RYR2: variants seen among roughly 807,000 people sequenced by gnomAD.
RYR2 encodes ryanodine receptor 2.
Under a neutral mutation model 601.1 loss-of-function variants are expected in RYR2, and 227 were observed. The observed-to-expected ratio is 0.38, with a 90% CI of 0.34 to 0.42. The LOEUF is 0.42. RYR2 is among the 10% of genes least tolerant of loss of function. The pLI is 1.00. For missense variants in RYR2, 4,646 were observed against 6,156.5 expected, an observed-to-expected ratio of 0.75 and a Z score of 8.21; for synonymous variants, 2,223 against 2,175.1, an observed-to-expected ratio of 1.02 and a Z score of -0.61.
At chr1:237,392,324 C>A (rs968773637) in intron 10 of RYR2, among the ~76,000 whole-genome samples, 4 of 152,006 alleles carry the variant, frequency 2.6e-5, no homozygotes, top group Admixed American at 6.6e-5. Flanking sequence ...AAGAGTGTAA[C>A]TGGATTGTTT....
intron 53 of RYR2, among the ~76,000 whole-genome samples, chr1:237,656,360 G>GC (rs140204201): frequency 0.023 from 3,559 of 152,196 alleles, 134 homozygotes; most frequent in African/African-American, 0.081. Context: ...GCACTGCAAA[G>GC]CTGTTTCTGC....
At chr1:237,082,539 A>ATATATATATATATG (rs1665842321) in intron 1 of RYR2, among the ~76,000 whole-genome samples, 1 of 115,898 alleles carries the variant, frequency 8.6e-6, no homozygotes, top group Non-Finnish European at 1.7e-5. Context: ...ATATATATAT[A>ATATATATATATATG]TATATATATA....
chr1:237,772,039 C>T lies in RYR2; in HGVS notation c.11585C>T (p.Thr3862Ile). The change falls in exon 86 of 105, where the codon ACT becomes ATT. Residue 3862 changes from threonine to isoleucine, a missense_variant. Thr to Ile is a moderately conservative substitution (Grantham distance 89). This residue lies in a region of RYR2 where 90 missense variants were observed against 213.3 expected (regional missense o/e 0.42). Coordinates refer to ENST00000366574, the MANE Select transcript of RYR2 (RefSeq NM_001035.3). ...SDFQNYLRTQ[T>I]GNNTTVNIII... ...TTTCAGAATTATCTGAGAACTCAGACTGGCAATAATACAACTGTCAACATA... is the reference window on the plus strand; with the variant it reads ...TTTCAGAATTATCTGAGAACTCAGATTGGCAATAATACAACTGTCAACATA... 1 of 1,547,488 alleles carries T rather than the reference C, an allele frequency of 6.5e-7. No individual in the cohort carries two copies. Among genetic ancestry groups the T allele is most frequent in the Non-Finnish European group, 8.8e-7 (1 of 1,137,992 alleles).
At chr1:237,114,594 C>A (rs1294472418) in intron 1 of RYR2, among the ~76,000 whole-genome samples, 1 of 152,254 alleles carries the variant, frequency 6.6e-6, no homozygotes, top group East Asian at 1.9e-4. Flanking sequence ...CCAGGAAATC[C>A]TTTTAGAAAT....
intron 1 of RYR2, among the ~76,000 whole-genome samples, chr1:237,260,111 G>T (rs1688373326): frequency 6.6e-6 from 1 of 152,152 alleles, no homozygotes; most frequent in South Asian, 2.1e-4. Flanking sequence ...GTGGAAATTG[G>T]CTAACAGATG....
chr1:237,303,021 G>A (rs1366023100), intron 2 of RYR2, among the ~76,000 whole-genome samples: 1 of 152,132 alleles, frequency 6.6e-6, no homozygotes, highest in Admixed American at 6.5e-5. Flanking sequence ...TAATCTGAAA[G>A]GCATAAGATC....
At chr1:237,364,645 A>G (rs1307176099) in intron 5 of RYR2, among the ~76,000 whole-genome samples, 2 of 152,106 alleles carry the variant, frequency 1.3e-5, no homozygotes, top group African/African-American at 2.4e-5. Context: ...ATTTAGATAA[A>G]TCACGTTTAG....
intron 11 of RYR2, among the ~76,000 whole-genome samples, chr1:237,422,742 A>G (rs575546483): frequency 6.6e-6 from 1 of 152,282 alleles, no homozygotes; most frequent in East Asian, 1.9e-4. Flanking sequence ...TTCCTGCATT[A>G]TTTGCATTAG....
intron 63 of RYR2, among the ~76,000 whole-genome samples, chr1:237,690,887 A>C (rs1686883610): frequency 6.6e-6 from 1 of 152,222 alleles, no homozygotes; most frequent in African/African-American, 2.4e-5. Flanking sequence ...ATGAATCAGA[A>C]GTGTTATAAC....
At chr1:237,256,347 G>A (rs962035811) in intron 1 of RYR2, among the ~76,000 whole-genome samples, 16 of 152,114 alleles carry the variant, frequency 1.1e-4, no homozygotes, top group African/African-American at 3.9e-4. Context: ...GTCTTTATCA[G>A]CAGCGTGAGA....
chr1:237,480,378 C>CAAAAAAAAAAAAAAAAAAAAAA (rs61271895), intron 17 of RYR2, among the ~76,000 whole-genome samples: 1 of 57,696 alleles, frequency 1.7e-5, no homozygotes, highest in African/African-American at 5.1e-5. Context: ...AAGATCATCT[C>CAAAAAAAAAAAAAAAAAAAAAA]AAAAAAAAAA....
intron 86 of RYR2, 41 bp from the exon 87 acceptor site, chr1:237,773,479 A>C: frequency 6.8e-7 from 1 of 1,475,596 alleles, no homozygotes; most frequent in Non-Finnish European, 9.5e-7. Flanking sequence ...GTAACTTTAG[A>C]ATGTGACTTG....
chr1:237,493,194 A>G, intron 19 of RYR2, 107 bp downstream of exon 19: 2 of 1,226,828 alleles, frequency 1.6e-6, no homozygotes, highest in Non-Finnish European at 2.3e-6. Context: ...TAGACCATAT[A>G]GTATTATTTT....
intron 1 of RYR2, among the ~76,000 whole-genome samples, chr1:237,066,802 C>T (rs542023131): frequency 3.3e-5 from 5 of 152,134 alleles, no homozygotes; most frequent in Non-Finnish European, 5.9e-5. Flanking sequence ...CCACCACACC[C>T]GGCTAATTTT....
intron 3 of RYR2, among the ~76,000 whole-genome samples, chr1:237,353,705 T>C (rs533528344): frequency 2.6e-5 from 4 of 152,226 alleles, no homozygotes; most frequent in South Asian, 2.1e-4. Flanking sequence ...AATTTTGAAA[T>C]GAAATTGCTC....
chr1:237,318,881 A>C (rs1455283906), intron 2 of RYR2, among the ~76,000 whole-genome samples: 1 of 152,004 alleles, frequency 6.6e-6, no homozygotes, highest in Admixed American at 6.6e-5. Context: ...GCCATTCATT[A>C]TTTGTTTAAA....
chr1:237,710,939 T>A (rs1329757296), intron 70 of RYR2, among the ~76,000 whole-genome samples: 1 of 152,162 alleles, frequency 6.6e-6, no homozygotes, highest in Admixed American at 6.5e-5. Context: ...CCTGTTGTTT[T>A]CCCTGTTGGG....
chr1:237,185,074 C>T (rs1015161276), intron 1 of RYR2, among the ~76,000 whole-genome samples: 1 of 152,050 alleles, frequency 6.6e-6, no homozygotes, highest in African/African-American at 2.4e-5. Flanking sequence ...CTGTGTTTCC[C>T]AGACTGGTCT....
At chr1:237,273,449 T>A (rs1202979107) in intron 2 of RYR2, among the ~76,000 whole-genome samples, 1 of 152,158 alleles carries the variant, frequency 6.6e-6, no homozygotes, top group Non-Finnish European at 1.5e-5. Context: ...TGGGGACCCC[T>A]GCCCCAAGAA....
Sources: gnomAD v4.1 joint callset for allele counts (sites outside exome capture counted in the v4.1 genomes callset) on GRCh38, gnomAD v4.1.1 for gene constraint, gnomAD v4.1.1 regional missense constraint, MANE v1.5 for transcripts, NCBI Gene and HGNC (gene_info 2026-07-23, HGNC 2026-07-21) for gene names.